SAXO1: variants seen among roughly 807,000 people sequenced by gnomAD.
SAXO1 encodes stabilizer of axonemal microtubules 1.
SAXO1 carries 21 observed loss-of-function variants against 17.5 expected under a neutral mutation model. The ratio of observed to expected loss-of-function variants is 1.20; its 90% CI spans 0.85 to 1.72. The LOEUF (loss-of-function observed/expected upper bound fraction) is 1.72, where lower values mean the gene tolerates loss of function less well. Among genes scored for constraint, SAXO1 ranks in the 40% most tolerant of loss-of-function variants. The pLI, the probability that SAXO1 is intolerant of heterozygous loss-of-function variation, is 0.00. For synonymous variants in SAXO1, 274 were observed against 216.5 expected, an observed-to-expected ratio of 1.27 and a Z score of -2.33; for missense variants, 843 against 596.0, an observed-to-expected ratio of 1.41 and a Z score of -4.32.
intron 1 of SAXO1, among the ~76,000 whole-genome samples, chr9:18,964,863 G>C (rs1284936565): frequency 6.6e-6 from 1 of 152,138 alleles, no homozygotes; most frequent in Non-Finnish European, 1.5e-5. Flanking sequence ...ATTGATTTTA[G>C]ATCTTTCCTG....
intron 1 of SAXO1, among the ~76,000 whole-genome samples, chr9:19,023,148 C>A (rs1370594356): frequency 2.2e-4 from 28 of 126,430 alleles, no homozygotes; most frequent in Middle Eastern, 4.1e-3. Flanking sequence ...CATCCCCCCC[C>A]ACCCCCCCGC....
intron 1 of SAXO1, among the ~76,000 whole-genome samples, chr9:19,003,524 T>C (rs1312585279): frequency 6.6e-6 from 1 of 152,206 alleles, no homozygotes; most frequent in Non-Finnish European, 1.5e-5. Flanking sequence ...CAAAACAGCA[T>C]GGTACTTGTA....
chr9:18,970,530 TATAA>T (rs761535204), intron 1 of SAXO1, among the ~76,000 whole-genome samples: 3 of 152,186 alleles, frequency 2.0e-5, no homozygotes, highest in Non-Finnish European at 4.4e-5. Flanking sequence ...TGGATGAGTC[TATAA>T]ATAAACACTG....
chr9:18,938,463 G>A (rs955774107), intron 3 of SAXO1, among the ~76,000 whole-genome samples: 3 of 152,024 alleles, frequency 2.0e-5, no homozygotes, highest in Admixed American at 2.0e-4. Context: ...TCGGGAGGTG[G>A]GGAGGTGCCA....
intron 1 of SAXO1, among the ~76,000 whole-genome samples, chr9:19,039,680 G>C (rs181801800): frequency 4.6e-5 from 7 of 152,312 alleles, no homozygotes; most frequent in Non-Finnish European, 8.8e-5. Flanking sequence ...GAAACAAGTA[G>C]TCGGTTGGCT....
chr9:18,935,484 G>C (rs967643702), intron 3 of SAXO1, among the ~76,000 whole-genome samples: 1 of 152,142 alleles, frequency 6.6e-6, no homozygotes, highest in African/African-American at 2.4e-5. Flanking sequence ...CTCTCTGATT[G>C]CCCTTGAGCC....
At chr9:19,005,373 C>T (rs1834442833) in intron 1 of SAXO1, among the ~76,000 whole-genome samples, 1 of 151,892 alleles carries the variant, frequency 6.6e-6, no homozygotes, top group East Asian at 1.9e-4. Context: ...TTCCTGATTT[C>T]AAAACTGATT....
In SAXO1 at chr9:18,969,343, T is replaced by C. The variant is rs546730425; in HGVS notation, c.39-18406A>G. On this transcript the variant is annotated intron_variant, in intron 1 of 3. Coordinates refer to ENST00000380534, the MANE Select transcript of SAXO1 (RefSeq NM_153707.4). ...CCAGCCAAAAAACAGCAAGCTCTCT[T>C]GACTGGAGTTTCACTCTCTTCACAA... Among the ~76,000 whole-genome samples the C allele has an allele frequency of 2.4e-4, 36 of 152,312 alleles. No individual in the cohort carries two copies. In the South Asian group the frequency reaches 6.8e-3, roughly 29 times the overall value.
chr9:19,027,216 A>G lies in SAXO1; in HGVS notation c.38+5655T>C, dbSNP rs538198548. The G allele has an allele frequency of 1.7e-5, 20 of 1,195,552 alleles. No individual in the cohort carries two copies. In the East Asian group the frequency reaches 4.7e-4, roughly 28 times the overall value. 74.1% of individuals were successfully genotyped at this position (1,195,552 alleles called of 1,614,324 possible). On this transcript the variant is annotated intron_variant, in intron 1 of 3. Transcript: ENST00000380534. ...GAGGAAGGACAAGTGTGCTGTGATCAAAACCTCTACACGACAGACATACTT... is the reference window on the plus strand; with the variant it reads ...GAGGAAGGACAAGTGTGCTGTGATCGAAACCTCTACACGACAGACATACTT...
intron 1 of SAXO1, among the ~76,000 whole-genome samples, chr9:18,966,693 C>T (rs1382639587): frequency 6.6e-6 from 1 of 152,118 alleles, no homozygotes; most frequent in African/African-American, 2.4e-5. Context: ...GAACATGCTC[C>T]TTTGTCTTGG....
chr9:18,939,402 C>T lies in SAXO1; in HGVS notation c.421+2235G>A, dbSNP rs375448583. 1.4e-4 allele frequency among the ~76,000 whole-genome samples: 21 copies of T among 152,316 alleles called. No individual in the cohort carries two copies. In the South Asian group the frequency reaches 4.4e-3, roughly 32 times the overall value. On this transcript the variant is annotated intron_variant, in intron 3 of 3. Coordinates refer to ENST00000380534, the MANE Select transcript of SAXO1 (RefSeq NM_153707.4). ...AGAAAAAGACAAACAGATCCCTGCC[C>T]CTTGGAGGTTACAGCCTGGCCATTA...
At chr9:18,997,915 C>T (rs1834078431) in intron 1 of SAXO1, among the ~76,000 whole-genome samples, 1 of 152,140 alleles carries the variant, frequency 6.6e-6, no homozygotes, top group Admixed American at 6.5e-5. Context: ...AAAGGAATAG[C>T]ATCAACATCA....
At chr9:18,943,976 A>G (rs7028706) in intron 2 of SAXO1, among the ~76,000 whole-genome samples, 123,453 of 152,154 alleles carry the variant, frequency 0.81, 50,686 homozygotes, top group African/African-American at 0.95. Context: ...AGGCTGCCAG[A>G]CTCTTGAAAA....
chr9:18,990,422 C>A (rs1377468356), intron 1 of SAXO1, among the ~76,000 whole-genome samples: 1 of 152,154 alleles, frequency 6.6e-6, no homozygotes, highest in Non-Finnish European at 1.5e-5. Flanking sequence ...AACTAAATTC[C>A]TAGCAGGACA....
intron 3 of SAXO1, among the ~76,000 whole-genome samples, chr9:18,931,014 T>G (rs949206132): frequency 2.0e-5 from 3 of 152,214 alleles, no homozygotes; most frequent in African/African-American, 7.2e-5. Context: ...CAGGCACAAT[T>G]TGTAACAGTT....
At chr9:18,976,282 A>G (rs560291437) in intron 1 of SAXO1, among the ~76,000 whole-genome samples, 2 of 152,270 alleles carry the variant, frequency 1.3e-5, no homozygotes, top group South Asian at 4.1e-4. Context: ...TGAGGGCTGA[A>G]AAAGGTTGTC....
intron 1 of SAXO1, among the ~76,000 whole-genome samples, chr9:19,005,940 CAAA>C (rs774837310): frequency 1.3e-5 from 2 of 151,640 alleles, no homozygotes; most frequent in Non-Finnish European, 2.9e-5. Context: ...ATGGCAAAAA[CAAA>C]AAAAACAAAC....
At chr9:19,031,057 G>C (rs778891558) in intron 1 of SAXO1, among the ~76,000 whole-genome samples, 13 of 152,224 alleles carry the variant, frequency 8.5e-5, no homozygotes, top group Non-Finnish European at 1.3e-4. Flanking sequence ...GACAGAATGA[G>C]AACAGAGTCA....
At chr9:19,007,496 G>A (rs932880277) in intron 1 of SAXO1, among the ~76,000 whole-genome samples, 11 of 152,334 alleles carry the variant, frequency 7.2e-5, no homozygotes, top group African/African-American at 2.6e-4. Flanking sequence ...TCTGTGACCT[G>A]AAAACTAAGT....
Sources: gnomAD v4.1 joint callset for allele counts (sites outside exome capture counted in the v4.1 genomes callset) on GRCh38, gnomAD v4.1.1 for gene constraint, MANE v1.5 for transcripts, NCBI Gene and HGNC (gene_info 2026-07-23, HGNC 2026-07-21) for gene names.